The following ERAP1 variants were observed in gnomAD, a reference collection of about 807,000 sequenced individuals.
ERAP1 encodes the protein adipocyte-derived leucine aminopeptidase.
ERAP1 carries 86 observed loss-of-function variants against 103.7 expected under a neutral mutation model. That is an observed-to-expected ratio of 0.83 (90% confidence interval 0.70 to 0.99). The LOEUF (loss-of-function observed/expected upper bound fraction) is 0.99. Among genes scored for constraint, ERAP1 ranks in the 50% least tolerant of loss-of-function variants. ERAP1 has a pLI of 0.00. For missense variants in ERAP1, 1,009 were observed against 1,128.4 expected (o/e 0.89, Z 1.52); for synonymous variants, 398 against 402.4 (o/e 0.99, Z 0.13).
chr5:96,806,817 CTG>C (rs960921553), intron 1 of ERAP1, among the ~76,000 whole-genome samples: 1 of 147,040 alleles, frequency 6.8e-6, no homozygotes, highest in Non-Finnish European at 1.5e-5. Context: ...TTAACAAGCA[CTG>C]TTGGTAAATA....
the ERAP1 span, among the ~76,000 whole-genome samples, chr5:96,851,114 T>C: frequency 6.6e-6 from 1 of 152,330 alleles, no homozygotes; most frequent in East Asian, 1.9e-4. Flanking sequence ...AAGAAAGGGT[T>C]TCAGGTAATT....
At chr5:96,767,632 T>A (rs1770468356) in intron 19 of ERAP1, 2 of 665,884 alleles carry the variant, frequency 3.0e-6, no homozygotes, top group Non-Finnish European at 5.2e-6. Flanking sequence ...TGACTATTGT[T>A]TACCTCTCTT....
chr5:96,815,217 T>C, the ERAP1 span, among the ~76,000 whole-genome samples: 1 of 152,208 alleles, frequency 6.6e-6, no homozygotes, highest in Middle Eastern at 3.2e-3. Context: ...TCCCTTGGTT[T>C]TCCAGTCCTG....
intron 18 of ERAP1, among the ~76,000 whole-genome samples, chr5:96,778,900 G>A (rs939733160): frequency 1.3e-5 from 2 of 152,130 alleles, no homozygotes; most frequent in Admixed American, 6.5e-5. Context: ...GATGACTCCC[G>A]TATTTTATAT....
At chr5:96,892,897 T>C in the ERAP1 span, among the ~76,000 whole-genome samples, 2 of 152,116 alleles carry the variant, frequency 1.3e-5, no homozygotes, top group African/African-American at 4.8e-5. Context: ...ATACTTCAAG[T>C]GAAATTTGAT....
the ERAP1 span, among the ~76,000 whole-genome samples, chr5:96,844,908 T>C: frequency 1.3e-5 from 2 of 151,490 alleles, no homozygotes; most frequent in East Asian, 3.8e-4. Flanking sequence ...GAAGTTGAGG[T>C]ATTGCCACTT....
intron 19 of ERAP1, chr5:96,767,956 A>G: frequency 3.7e-6 from 6 of 1,613,708 alleles, no homozygotes; most frequent in Non-Finnish European, 5.1e-6. Context: ...GGAGATCTGG[A>G]CAGCTGTCCC....
chr5:96,788,732 T>A, intron 10 of ERAP1, 47 bp from the exon 11 acceptor site: 1 of 1,605,316 alleles, frequency 6.2e-7, no homozygotes, highest in Admixed American at 1.7e-5. Context: ...TTAACCCAAC[T>A]CTAAGAAAAG....
the ERAP1 span, chr5:96,902,441 C>A: frequency 1.3e-6 from 1 of 764,180 alleles, no homozygotes; most frequent in South Asian, 1.7e-5. Context: ...ATAAGTAAAT[C>A]TAACAATAAA....
the ERAP1 span, among the ~76,000 whole-genome samples, chr5:96,866,848 A>C: frequency 6.6e-6 from 1 of 152,166 alleles, no homozygotes; most frequent in Non-Finnish European, 1.5e-5. Flanking sequence ...AACCATTCTG[A>C]AGCCAGGAGT....
chr5:96,858,104 T>TTTTGC, the ERAP1 span, among the ~76,000 whole-genome samples: 1 of 152,206 alleles, frequency 6.6e-6, no homozygotes, highest in African/African-American at 2.4e-5. Context: ...ACCAGCATGG[T>TTTTGC]TTTGCTGTTA....
intron 19 of ERAP1, chr5:96,768,030 A>T: frequency 7.2e-7 from 1 of 1,386,526 alleles, no homozygotes; most frequent in South Asian, 1.2e-5. Context: ...TCACTCTTTG[A>T]AATGTGTGTG....
chr5:96,821,678 G>A, the ERAP1 span, among the ~76,000 whole-genome samples: 3 of 152,198 alleles, frequency 2.0e-5, no homozygotes, highest in Non-Finnish European at 4.4e-5. Flanking sequence ...AAGAGACATC[G>A]AGATAGCAGG....
the ERAP1 span, chr5:96,889,365 T>C: frequency 6.4e-7 from 1 of 1,565,112 alleles, no homozygotes; most frequent in Non-Finnish European, 8.8e-7. Flanking sequence ...CTTTGATCTC[T>C]TCCCTCTTTC....
chr5:96,787,819 T>TAC (rs1267385495), intron 11 of ERAP1, among the ~76,000 whole-genome samples: 1 of 148,574 alleles, frequency 6.7e-6, no homozygotes, highest in Non-Finnish European at 1.5e-5. Flanking sequence ...TATATACACA[T>TAC]ATATATGTAT....
chr5:96,821,120 G>A, the ERAP1 span, among the ~76,000 whole-genome samples: 1 of 152,156 alleles, frequency 6.6e-6, no homozygotes, highest in Non-Finnish European at 1.5e-5. Flanking sequence ...TTCAAAGGCA[G>A]TCTGGAGTCA....
At chr5:96,773,410 G>T (rs1773165072), downstream of ERAP1, 1 of 152,436 alleles carries the variant, frequency 6.6e-6, no homozygotes, top group African/African-American at 2.4e-5. Context: ...AATTCTTAGG[G>T]TACTCATCTG....
the ERAP1 span, among the ~76,000 whole-genome samples, chr5:96,915,508 A>G: frequency 2.6e-5 from 4 of 152,228 alleles, no homozygotes; most frequent in Non-Finnish European, 5.9e-5. Flanking sequence ...GTAAAATTTG[A>G]TAAGTTTCAC....
the ERAP1 span, among the ~76,000 whole-genome samples, chr5:96,850,415 A>C: frequency 6.6e-6 from 1 of 152,184 alleles, no homozygotes; most frequent in Non-Finnish European, 1.5e-5. Flanking sequence ...AACCCTACTA[A>C]AAAATAGACA....
Sources: allele counts gnomAD v4.1 joint callset (sites outside exome capture counted in the v4.1 genomes callset), GRCh38; gene constraint gnomAD v4.1.1; transcripts MANE v1.5; gene names NCBI Gene and HGNC (gene_info 2026-07-23, HGNC 2026-07-21).